The following PAPPA variants were observed in gnomAD, a reference collection of about 807,000 sequenced individuals.
The protein encoded by PAPPA is pappalysin 1.
In PAPPA, 60 loss-of-function variants were observed where a neutral mutation model predicts 164.0. That is an observed-to-expected ratio of 0.37 (90% confidence interval 0.30 to 0.45). PAPPA has a LOEUF of 0.45. Among genes scored for constraint, PAPPA ranks in the 20% least tolerant of loss-of-function variants. The probability of loss-of-function intolerance (pLI) is 1.00; values close to 1 mark genes in which losing one functional copy is unlikely to be tolerated. For missense variants in PAPPA, 1,782 were observed against 2,087.3 expected (o/e 0.85, Z 2.85); for synonymous variants, 875 against 814.1 (o/e 1.07, Z -1.27).
chr9:116,284,143 A>G (rs1045347253), intron 9 of PAPPA, among the ~76,000 whole-genome samples: 4 of 152,200 alleles, frequency 2.6e-5, no homozygotes, highest in African/African-American at 9.7e-5. Context: ...GTCTTCCAGA[A>G]AGTGATCAAC....
Position 116,211,698 on chromosome 9 carries a change from C to A in PAPPA, c.1684C>A (p.His562Asn). 6.2e-7 allele frequency: 1 copy of A among 1,614,118 alleles called. No homozygotes were observed. The highest frequency in any genetic ancestry group is 8.5e-7 in the Non-Finnish European group (1 of 1,179,964). Residue 562 changes from histidine to asparagine, a missense_variant, in exon 4 of 22, where the codon CAT becomes AAT. Physicochemically the swap from His to Asn is moderately conservative, Grantham distance 68. Coordinates refer to ENST00000328252, the MANE Select transcript of PAPPA (RefSeq NM_002581.5). ...GMPGHTHTMI[H>N]EIGHSLGLYH... is the part of the protein sequence containing the mutation. ...GCCTGGGCACACCCACACCATGATC[C>A]ATGAGATTGGTCACAGCCTGGGCCT... is the stretch of plus-strand genomic sequence containing the variant.
At chr9:116,173,572 C>T (rs918818191) in intron 1 of PAPPA, among the ~76,000 whole-genome samples, 3 of 152,220 alleles carry the variant, frequency 2.0e-5, no homozygotes, top group Non-Finnish European at 4.4e-5. Flanking sequence ...GATCTAGCCT[C>T]AGACAGCCAT....
intron 2 of PAPPA, among the ~76,000 whole-genome samples, chr9:116,205,521 T>C (rs1338498773): frequency 6.6e-6 from 1 of 152,184 alleles, no homozygotes; most frequent in Non-Finnish European, 1.5e-5. Context: ...GTTTTCATTC[T>C]CCTCCCATGC....
chr9:116,154,436 G>A lies in PAPPA; in HGVS notation c.264G>A (p.Glu88=). ...RQQREARGAT[E]EPSPPSRALY... is the part of the protein sequence containing the mutation. Reference sequence around the variant, plus strand: ...AGCGGGAGGCGAGGGGCGCCACCGAGGAGCCGAGCCCGCCGAGCCGGGCGC... The same window carrying A: ...AGCGGGAGGCGAGGGGCGCCACCGAAGAGCCGAGCCCGCCGAGCCGGGCGC... Residue 88 remains glutamate, a synonymous_variant, in exon 1 of 22, where the codon GAG becomes GAA. Transcript: ENST00000328252. The surrounding 1 kb of genome is among the most constrained non-coding windows in gnomAD (Gnocchi z 5.2). The A allele has an allele frequency of 7.9e-7, 1 of 1,273,606 alleles. No individual in the cohort carries two copies. Among genetic ancestry groups the A allele is most frequent in the Non-Finnish European group, 9.9e-7 (1 of 1,008,786 alleles). 78.9% of individuals were successfully genotyped at this position (1,273,606 alleles called of 1,614,324 possible).
At chr9:116,333,678 C>G (rs1235209402) in intron 12 of PAPPA, among the ~76,000 whole-genome samples, 1 of 152,156 alleles carries the variant, frequency 6.6e-6, no homozygotes, top group Admixed American at 6.5e-5. Context: ...AAGAAAACCC[C>G]TCTGGACTTA....
chr9:116,224,234 AC>A (rs1844478016), intron 5 of PAPPA, among the ~76,000 whole-genome samples: 1 of 152,102 alleles, frequency 6.6e-6, no homozygotes, highest in Non-Finnish European at 1.5e-5. Flanking sequence ...ATTCAAGGCC[AC>A]CCCTGGTTTT....
chr9:116,245,754 C>T (rs1437599699), intron 7 of PAPPA, among the ~76,000 whole-genome samples: 3 of 152,142 alleles, frequency 2.0e-5, no homozygotes, highest in African/African-American at 4.8e-5. Context: ...GTGTTTGAGA[C>T]TCCCATGAGT....
intron 1 of PAPPA, among the ~76,000 whole-genome samples, chr9:116,165,468 A>G (rs1160385876): frequency 6.6e-6 from 1 of 152,124 alleles, no homozygotes; most frequent in African/African-American, 2.4e-5. Context: ...CTGCTTCCTT[A>G]TAATGTTTAT....
At chr9:116,177,593 G>A (rs953753122) in intron 1 of PAPPA, among the ~76,000 whole-genome samples, 3 of 152,142 alleles carry the variant, frequency 2.0e-5, no homozygotes, top group African/African-American at 7.2e-5. Flanking sequence ...GGTCAGTCTT[G>A]GGGCTGCCAT....
chr9:116,256,683 A>C (rs1844931571), intron 7 of PAPPA, among the ~76,000 whole-genome samples: 3 of 151,998 alleles, frequency 2.0e-5, no homozygotes, highest in Admixed American at 1.3e-4. Context: ...GAATTTATGA[A>C]ATAATATGAC....
chr9:116,247,870 G>C (rs1441618353), intron 7 of PAPPA, among the ~76,000 whole-genome samples: 1 of 152,162 alleles, frequency 6.6e-6, no homozygotes, highest in East Asian at 1.9e-4. Context: ...CCTTGCTGTG[G>C]AACAGCTTTC....
In PAPPA at chr9:116,153,823, A is replaced by T. The variant is rs1843562698; in HGVS notation, c.-350A>T. On this transcript the variant is annotated 5_prime_UTR_variant, in exon 1 of 22. Transcript: ENST00000328252. Reference sequence around the variant, plus strand: ...CTTTTGGGGGGAGGGAATTCAGCGGATCAGTCTTAAGAGGAGCTTTTTTTT... The same window carrying T: ...CTTTTGGGGGGAGGGAATTCAGCGGTTCAGTCTTAAGAGGAGCTTTTTTTT... 1 of 153,032 alleles carries T rather than the reference A, an allele frequency of 6.5e-6. No individual in the cohort carries two copies. Among genetic ancestry groups the T allele is most frequent in the African/African-American group, 2.4e-5 (1 of 41,362 alleles). 9.5% of individuals were successfully genotyped at this position (153,032 alleles called of 1,614,324 possible).
intron 3 of PAPPA, 125 bp from the exon 4 acceptor site, chr9:116,211,514 G>C: frequency 1.3e-6 from 1 of 749,772 alleles, no homozygotes; most frequent in African/African-American, 1.7e-5. Context: ...GGGCAATGGA[G>C]TCCTAGGGTG....
At chr9:116,295,411 G>A (rs545827830) in intron 9 of PAPPA, among the ~76,000 whole-genome samples, 28 of 151,960 alleles carry the variant, frequency 1.8e-4, no homozygotes, top group African/African-American at 4.8e-4. Context: ...AAAATTAGCC[G>A]GATGTGGTGG....
chr9:116,341,925 T>C (rs1447375523), intron 13 of PAPPA, among the ~76,000 whole-genome samples: 2 of 152,246 alleles, frequency 1.3e-5, no homozygotes, highest in Non-Finnish European at 2.9e-5. Context: ...AGCCCAGATT[T>C]CCCTGATTGG....
At chr9:116,190,370 G>A (rs187512431) in intron 2 of PAPPA, among the ~76,000 whole-genome samples, 14 of 152,250 alleles carry the variant, frequency 9.2e-5, no homozygotes, top group Admixed American at 9.2e-4. Context: ...AAATGTTTAT[G>A]CAGCACCTGC....
At chr9:116,289,368 G>GACATATATATGCCATATATATA (rs1564212449) in intron 9 of PAPPA, among the ~76,000 whole-genome samples, 1 of 99,802 alleles carries the variant, frequency 1.0e-5, no homozygotes, top group Non-Finnish European at 2.1e-5. Flanking sequence ...GCATATATAT[G>GACATATATATGCCATATATATA]GCATATATAT....
chr9:116,244,999 G>C (rs1314753113), intron 7 of PAPPA, among the ~76,000 whole-genome samples: 2 of 152,182 alleles, frequency 1.3e-5, no homozygotes, highest in Non-Finnish European at 2.9e-5. Flanking sequence ...GTGGAATCTT[G>C]TCGTTTGAAG....
At chr9:116,354,525 T>C (rs1264039213) in intron 17 of PAPPA, among the ~76,000 whole-genome samples, 1 of 152,136 alleles carries the variant, frequency 6.6e-6, no homozygotes, top group Non-Finnish European at 1.5e-5. Context: ...GCAGGCGTCG[T>C]CTTCAATCAG....
Sources: allele counts gnomAD v4.1 joint callset (sites outside exome capture counted in the v4.1 genomes callset), GRCh38; gene constraint gnomAD v4.1.1; non-coding constraint Gnocchi (gnomAD v3.1); transcripts MANE v1.5; gene names NCBI Gene and HGNC (gene_info 2026-07-23, HGNC 2026-07-21).